CSMD2: variants seen among roughly 807,000 people sequenced by gnomAD.
The protein encoded by CSMD2 is CUB and sushi domain-containing protein 2.
In CSMD2, 130 loss-of-function variants were observed where a neutral mutation model predicts 398.5. That is an observed-to-expected ratio of 0.33 (90% CI 0.28 to 0.38). CSMD2 has a LOEUF of 0.38. Among genes scored for constraint, CSMD2 ranks in the 10% least tolerant of loss-of-function variants. The pLI is 1.00. For missense variants in CSMD2, 3,829 were observed against 4,764.9 expected, an observed-to-expected ratio of 0.80 and a Z score of 5.78; for synonymous variants, 1,828 against 1,908.5, an observed-to-expected ratio of 0.96 and a Z score of 1.10.
intron 44 of CSMD2, 106 bp downstream of exon 44, chr1:33,600,759 C>T: frequency 8.7e-7 from 1 of 1,145,308 alleles, no homozygotes; most frequent in East Asian, 2.4e-5. Flanking sequence ...AGAGGTTATA[C>T]AACTCACTCA....
At chr1:33,682,070 A>G (rs1021641980) in intron 25 of CSMD2, among the ~76,000 whole-genome samples, 5 of 152,222 alleles carry the variant, frequency 3.3e-5, no homozygotes, top group African/African-American at 1.2e-4. Context: ...ATGTGTCAGT[A>G]GGGCCATGCT....
rs1207262954 is a variant in CSMD2 at position 33,662,965 on chromosome 1, T to C, written c.4180A>G (p.Thr1394Ala). Residue 1394 changes from threonine to alanine, a missense_variant, in exon 26 of 71, where the codon ACC becomes GCC. Physicochemically the swap from Thr to Ala is moderately conservative, Grantham distance 58 (BLOSUM62 0). This residue lies in a region of CSMD2 where 2,001 missense variants were observed against 2,567.1 expected (regional missense o/e 0.78). Coordinates refer to ENST00000373381, the MANE Select transcript of CSMD2 (RefSeq NM_001281956.2). ...AACTGCAGGACGACCGAGTTGAAGG[T>C]GCTATGCAGGTCCTTGGGCAGGGCC... is the stretch of plus-strand genomic sequence containing the variant. ...GPALPKDLHS[T>A]FNSVVLQFST... The C allele has an allele frequency of 3.7e-6, 6 of 1,614,124 alleles. No individual in the cohort carries two copies. The highest frequency in any genetic ancestry group is 5.1e-6 in the Non-Finnish European group (6 of 1,180,008).
intron 14 of CSMD2, 64 bp from the exon 15 acceptor site, chr1:33,739,398 A>T: frequency 6.9e-7 from 1 of 1,457,874 alleles, no homozygotes; most frequent in South Asian, 1.4e-5. Context: ...TCCCTAAAGA[A>T]AATTAGCTTC....
At chr1:33,994,290 G>A (rs938031533) in intron 3 of CSMD2, among the ~76,000 whole-genome samples, 1 of 152,066 alleles carries the variant, frequency 6.6e-6, no homozygotes, top group African/African-American at 2.4e-5. Flanking sequence ...TGAGCGAGAG[G>A]AAGAAGGGAG....
intron 3 of CSMD2, among the ~76,000 whole-genome samples, chr1:33,973,512 G>A (rs914129566): frequency 6.6e-6 from 1 of 152,216 alleles, no homozygotes; most frequent in Non-Finnish European, 1.5e-5. Context: ...AAAGCTTCCT[G>A]CCCCAGGGGA....
intron 44 of CSMD2, among the ~76,000 whole-genome samples, chr1:33,594,569 T>G (rs1381780507): frequency 6.6e-6 from 1 of 152,218 alleles, no homozygotes; most frequent in Non-Finnish European, 1.5e-5. Context: ...CAGAAAAGTT[T>G]TATCATTTCC....
At chr1:33,623,492 T>C (rs1478144439) in intron 35 of CSMD2, 26 bp from the exon 36 acceptor site, 18 of 1,568,760 alleles carry the variant, frequency 1.1e-5, no homozygotes, top group Non-Finnish European at 1.5e-5. Context: ...AGTGAATTGT[T>C]GGTTAGGCAG....
intron 13 of CSMD2, among the ~76,000 whole-genome samples, chr1:33,746,050 C>T (rs1647332151): frequency 6.6e-6 from 1 of 152,116 alleles, no homozygotes; most frequent in African/African-American, 2.4e-5. Flanking sequence ...TTACTAACCC[C>T]CCACCATGTC....
At chr1:33,920,661 T>C (rs1181692623) in intron 4 of CSMD2, among the ~76,000 whole-genome samples, 1 of 151,962 alleles carries the variant, frequency 6.6e-6, no homozygotes, top group African/African-American at 2.4e-5. Context: ...GATGTGGACT[T>C]TTACTCGGAA....
intron 15 of CSMD2, among the ~76,000 whole-genome samples, chr1:33,727,845 G>T (rs1571362052): frequency 6.6e-6 from 1 of 152,126 alleles, no homozygotes; most frequent in East Asian, 1.9e-4. Context: ...ACCCAGACTA[G>T]CACACCTCCC....
chr1:33,516,956 G>A (rs1252438370), intron 70 of CSMD2, among the ~76,000 whole-genome samples: 2 of 151,680 alleles, frequency 1.3e-5, no homozygotes, highest in Admixed American at 1.3e-4. Context: ...AAGAATCCAG[G>A]CTGGATTATA....
chr1:33,624,662 G>A lies in CSMD2; in HGVS notation c.5501-19C>T, dbSNP rs772144851. On this transcript the variant is annotated intron_variant, in intron 34 of 70. Transcript: ENST00000373381. This position sits in a 1 kb window ranked among gnomAD's most constrained non-coding sequence, Gnocchi z 4.7. ...CACGGCACTGGGAGGAGAGGCCATC[G>A]GGTCAGAGGCTTTGTGGCCTCCCGT... is the stretch of plus-strand genomic sequence containing the variant. 12 of 1,604,776 alleles carry A rather than the reference G, an allele frequency of 7.5e-6. No homozygotes were observed. The highest frequency in any genetic ancestry group is 1.7e-4 in the Middle Eastern group (1 of 6,026).
chr1:33,957,926 T>C (rs200463286), intron 3 of CSMD2, among the ~76,000 whole-genome samples: 4,995 of 111,618 alleles, frequency 0.045, 144 homozygotes, highest in African/African-American at 0.11. Context: ...ATTAACTCAG[T>C]CACTGTGTGT....
At chr1:34,030,617 A>G (rs1650290161) in intron 3 of CSMD2, among the ~76,000 whole-genome samples, 1 of 152,170 alleles carries the variant, frequency 6.6e-6, no homozygotes, top group African/African-American at 2.4e-5. Flanking sequence ...TCCAGGTGAC[A>G]GTGTCTGTTT....
chr1:33,562,404 G>A (rs1055685161), intron 53 of CSMD2, among the ~76,000 whole-genome samples: 1 of 152,204 alleles, frequency 6.6e-6, no homozygotes, highest in Admixed American at 6.5e-5. Context: ...TCAGATTCCT[G>A]CTCTGCAGCT....
chr1:34,138,581 T>C (rs1398548091), intron 1 of CSMD2, among the ~76,000 whole-genome samples: 1 of 152,236 alleles, frequency 6.6e-6, no homozygotes, highest in African/African-American at 2.4e-5. Flanking sequence ...TTTCCCTCTT[T>C]TGTAAGTAAT....
intron 49 of CSMD2, among the ~76,000 whole-genome samples, chr1:33,576,280 T>C (rs573057410): frequency 3.3e-5 from 5 of 152,296 alleles, no homozygotes; most frequent in African/African-American, 9.6e-5. Flanking sequence ...TTGAAAATAA[T>C]GGTGACGAAG....
At chr1:34,065,105 G>A (rs1339509067) in intron 2 of CSMD2, among the ~76,000 whole-genome samples, 4 of 152,070 alleles carry the variant, frequency 2.6e-5, no homozygotes, top group Admixed American at 6.5e-5. Flanking sequence ...CCATATCAAG[G>A]AGGCTTCCTG....
intron 21 of CSMD2, among the ~76,000 whole-genome samples, chr1:33,712,801 G>A (rs1253417898): frequency 6.6e-6 from 1 of 152,122 alleles, no homozygotes; most frequent in Non-Finnish European, 1.5e-5. Flanking sequence ...CCTGGGGTGG[G>A]TGGCGGGGTT....
Sources: allele counts gnomAD v4.1 joint callset (sites outside exome capture counted in the v4.1 genomes callset), GRCh38; gene constraint gnomAD v4.1.1; regional missense constraint gnomAD v4.1.1; non-coding constraint Gnocchi (gnomAD v3.1); transcripts MANE v1.5; gene names NCBI Gene and HGNC (gene_info 2026-07-23, HGNC 2026-07-21).